Variants in IQCM observed in about 807,000 individuals in gnomAD.
IQCM encodes the protein IQ domain-containing protein M.
A neutral mutation model predicts 57.6 loss-of-function variants in IQCM; 45 were observed. The ratio of observed to expected loss-of-function variants is 0.78; its 90% confidence interval spans 0.62 to 1.00. The LOEUF is 1.00. Among genes scored for constraint, IQCM ranks in the 50% least tolerant of loss-of-function variants. The pLI is 0.00. For missense variants in IQCM, 468 were observed against 511.6 expected, an observed-to-expected ratio of 0.91 and a Z score of 0.82; for synonymous variants, 148 against 158.9, an observed-to-expected ratio of 0.93 and a Z score of 0.51.
At chr4:149,355,191 A>C (rs1205259404) in intron 13 of IQCM, among the ~76,000 whole-genome samples, 1 of 152,146 alleles carries the variant, frequency 6.6e-6, no homozygotes, top group Non-Finnish European at 1.5e-5. Flanking sequence ...GAAGAATACA[A>C]ATATAAGTAC....
At chr4:149,807,444 A>G (rs1035734393) in intron 2 of IQCM, among the ~76,000 whole-genome samples, 4 of 152,094 alleles carry the variant, frequency 2.6e-5, no homozygotes, top group Non-Finnish European at 4.4e-5. Flanking sequence ...AAATGGATTA[A>G]AGACTTAAAT....
intron 7 of IQCM, among the ~76,000 whole-genome samples, chr4:149,643,079 T>C (rs1396576795): frequency 6.6e-6 from 1 of 152,298 alleles, no homozygotes; most frequent in Middle Eastern, 3.4e-3. Flanking sequence ...CGCAGTTACA[T>C]TCAACCAAAC....
rs553442702 is a variant in IQCM at position 149,551,418 on chromosome 4, A to G, written c.1093+1725T>C. On this transcript the variant is annotated intron_variant, in intron 11 of 13. Transcript: ENST00000636793. ...AGGATGCAAAAATATTGAAATCTGC[A>G]TTACAAATTGAGAAGGAGAAATCAT... 5.4e-4 allele frequency among the ~76,000 whole-genome samples: 83 copies of G among 152,334 alleles called. 1 individual carries two copies. The South Asian group carries it at 0.015, about 28-fold the overall frequency.
chr4:149,664,131 G>T (rs1760476711), intron 7 of IQCM, among the ~76,000 whole-genome samples: 1 of 152,046 alleles, frequency 6.6e-6, no homozygotes, highest in African/African-American at 2.4e-5. Context: ...TCAGCTCTAA[G>T]ATTTCTGTGT....
At chr4:149,637,265 G>C (rs1757811856) in intron 7 of IQCM, among the ~76,000 whole-genome samples, 1 of 150,780 alleles carries the variant, frequency 6.6e-6, no homozygotes, top group Non-Finnish European at 1.5e-5. Context: ...TTAGAAAAAT[G>C]TAAAATCAAC....
At chr4:149,755,802 T>A (rs1242475969) in intron 2 of IQCM, among the ~76,000 whole-genome samples, 1 of 152,212 alleles carries the variant, frequency 6.6e-6, no homozygotes. Flanking sequence ...GGCAAGTGAC[T>A]TAGTTCTGGC....
chr4:149,529,897 A>G (rs764872628), intron 12 of IQCM, among the ~76,000 whole-genome samples: 36 of 152,194 alleles, frequency 2.4e-4, no homozygotes, highest in Non-Finnish European at 3.5e-4. Flanking sequence ...AAAGTATTTA[A>G]TGTTGCCTTC....
chr4:149,376,610 T>G (rs1215333489), intron 13 of IQCM, among the ~76,000 whole-genome samples: 1 of 152,174 alleles, frequency 6.6e-6, no homozygotes, highest in Non-Finnish European at 1.5e-5. Context: ...CCGAAACTGT[T>G]GATGTTATTC....
At chr4:149,719,984 A>G (rs1289382577) in intron 5 of IQCM, among the ~76,000 whole-genome samples, 1 of 152,212 alleles carries the variant, frequency 6.6e-6, no homozygotes, top group Non-Finnish European at 1.5e-5. Flanking sequence ...CCATTTCTAG[A>G]AAGCTACTGC....
chr4:149,458,062 C>A (rs1212960868), intron 12 of IQCM, among the ~76,000 whole-genome samples: 3 of 151,752 alleles, frequency 2.0e-5, no homozygotes, highest in Non-Finnish European at 2.9e-5. Flanking sequence ...TTCAAACAAA[C>A]AACCAACAAA....
intron 13 of IQCM, among the ~76,000 whole-genome samples, chr4:149,423,558 A>G (rs1734261724): frequency 6.6e-6 from 1 of 152,124 alleles, no homozygotes; most frequent in East Asian, 1.9e-4. Context: ...GACAGCCTCC[A>G]TGCTCCTCTC....
chr4:149,604,376 T>C (rs778180077), intron 8 of IQCM, among the ~76,000 whole-genome samples: 5 of 152,246 alleles, frequency 3.3e-5, no homozygotes, highest in Non-Finnish European at 7.3e-5. Flanking sequence ...TTTGCCTTTA[T>C]GTAGCTCTAT....
At chr4:149,509,233 G>A (rs543404793) in intron 12 of IQCM, among the ~76,000 whole-genome samples, 39 of 152,242 alleles carry the variant, frequency 2.6e-4, no homozygotes, top group African/African-American at 9.4e-4. Flanking sequence ...AACTGTTTGG[G>A]AGATTGAAGT....
At chr4:149,764,329 T>C (rs533486819) in intron 2 of IQCM, among the ~76,000 whole-genome samples, 11 of 152,292 alleles carry the variant, frequency 7.2e-5, no homozygotes, top group Admixed American at 5.9e-4. Context: ...GACCAATCAC[T>C]GCATAAGAGA....
intron 2 of IQCM, among the ~76,000 whole-genome samples, chr4:149,769,260 T>C (rs1357341251): frequency 1.3e-5 from 2 of 151,960 alleles, no homozygotes; most frequent in Non-Finnish European, 2.9e-5. Flanking sequence ...GAACACGTAG[T>C]TCTGAGATCC....
intron 12 of IQCM, among the ~76,000 whole-genome samples, chr4:149,506,940 T>C (rs1327089637): frequency 6.6e-6 from 1 of 152,204 alleles, no homozygotes; most frequent in African/African-American, 2.4e-5. Flanking sequence ...TAAGGTTGGC[T>C]GTGCCCCCAC....
intron 7 of IQCM, among the ~76,000 whole-genome samples, chr4:149,668,826 G>A (rs1330067109): frequency 6.6e-6 from 1 of 152,028 alleles, no homozygotes; most frequent in Admixed American, 6.6e-5. Context: ...AAAACTAAAA[G>A]TTGGCTTTTA....
Position 149,594,755 on chromosome 4 carries a change from G to T in IQCM, c.682-6758C>A, listed in dbSNP as rs532449622. Among the ~76,000 whole-genome samples, 6 of 152,290 alleles carry T rather than the reference G, an allele frequency of 3.9e-5. No homozygotes were observed. The South Asian group carries it at 1.2e-3, about 32-fold the overall frequency. On this transcript the variant is annotated intron_variant, in intron 8 of 13. Coordinates refer to ENST00000636793, the MANE Select transcript of IQCM (RefSeq NM_001363507.2). ...GAGCAGGTTGTTCAGTTGCCATGTA[G>T]TTGAGCGGTTTTGAGTGAGTTTCTT...
chr4:149,719,673 C>G (rs1765284221), intron 5 of IQCM, among the ~76,000 whole-genome samples: 1 of 152,198 alleles, frequency 6.6e-6, no homozygotes, highest in Non-Finnish European at 1.5e-5. Context: ...TGGCTTTATT[C>G]CAGAATTTCA....
Sources: allele counts gnomAD v4.1 joint callset (sites outside exome capture counted in the v4.1 genomes callset), GRCh38; gene constraint gnomAD v4.1.1; transcripts MANE v1.5; gene names NCBI Gene and HGNC (gene_info 2026-07-23, HGNC 2026-07-21).